SREK1IP1: variants seen among roughly 807,000 people sequenced by gnomAD.
SREK1IP1 encodes the protein SREK1 interacting protein 1.
A neutral mutation model predicts 22.8 loss-of-function variants in SREK1IP1; 12 were observed. The observed-to-expected ratio is 0.53, with a 90% CI of 0.34 to 0.85. SREK1IP1 has a LOEUF of 0.85. Among genes scored for constraint, SREK1IP1 ranks in the 40% least tolerant of loss-of-function variants. The pLI is 0.02. For missense variants in SREK1IP1, 147 were observed against 171.8 expected (o/e 0.86, Z 0.81); for synonymous variants, 53 against 52.7 (o/e 1.01, Z -0.02).
chr5:64,727,553 A>ATATATATATATATATATTTTTTT, intron 4 of SREK1IP1: 1 of 84,714 alleles, frequency 1.2e-5, no homozygotes, highest in African/African-American at 5.5e-5. Flanking sequence ...ATATATATAT[A>ATATATATATATATATATTTTTTT]TTTTTTTTTT....
intron 2 of SREK1IP1, among the ~76,000 whole-genome samples, chr5:64,753,091 G>C (rs1297302645): frequency 6.6e-6 from 1 of 152,130 alleles, no homozygotes; most frequent in Non-Finnish European, 1.5e-5. Context: ...ATAACAATGA[G>C]GAGACTACAT....
At chr5:64,751,604 G>T (rs1742741282) in intron 2 of SREK1IP1, among the ~76,000 whole-genome samples, 2 of 152,204 alleles carry the variant, frequency 1.3e-5, no homozygotes, top group African/African-American at 4.8e-5. Flanking sequence ...ACCATTGTAG[G>T]ACGTTTATAA....
chr5:64,735,165 T>C (rs1326934595), intron 3 of SREK1IP1, among the ~76,000 whole-genome samples: 9 of 151,922 alleles, frequency 5.9e-5, no homozygotes, highest in Non-Finnish European at 1.2e-4. Flanking sequence ...TGACAATGTT[T>C]TTTTTTTAGT....
At chr5:64,729,435 G>C (rs558772374) in intron 3 of SREK1IP1, among the ~76,000 whole-genome samples, 6 of 152,186 alleles carry the variant, frequency 3.9e-5, no homozygotes, top group African/African-American at 1.4e-4. Flanking sequence ...TAGAAGGGGA[G>C]GGGCAACTAT....
intron 4 of SREK1IP1, 124 bp downstream of exon 4, chr5:64,727,983 A>G (rs1742303819): frequency 3.3e-6 from 3 of 906,648 alleles, no homozygotes; most frequent in Middle Eastern, 4.4e-4. Context: ...CTTAAGCTCA[A>G]TGAAAAGCTT....
chr5:64,768,521 G>C lies in SREK1IP1; in HGVS notation c.-4C>G, dbSNP rs1364252334. ...GCTCCTTACCTGGGACTGCCATGAC[G>C]GTGGTAAGAGGGGTAACTCGAGCCT... On this transcript the variant is annotated 5_prime_UTR_variant, in exon 1 of 5. Coordinates refer to ENST00000513458, the MANE Select transcript of SREK1IP1 (RefSeq NM_173829.4). The C allele has an allele frequency of 6.2e-7, 1 of 1,614,150 alleles. No individual in the cohort carries two copies. Among genetic ancestry groups the C allele is most frequent in the Admixed American group, 1.7e-5 (1 of 60,022 alleles).
intron 4 of SREK1IP1, among the ~76,000 whole-genome samples, chr5:64,727,354 TTAA>T (rs1320510020): frequency 7.1e-6 from 1 of 140,700 alleles, no homozygotes; most frequent in Non-Finnish European, 1.5e-5. Flanking sequence ...CAGTTAGTTT[TTAA>T]AAGAGTTAAT....
intron 2 of SREK1IP1, among the ~76,000 whole-genome samples, chr5:64,749,261 T>G (rs1041673212): frequency 6.6e-6 from 1 of 152,018 alleles, no homozygotes; most frequent in Non-Finnish European, 1.5e-5. Context: ...CAGCTACTAA[T>G]TTAACCAGGC....
chr5:64,745,173 G>T (rs909495561), intron 2 of SREK1IP1, among the ~76,000 whole-genome samples: 1 of 152,152 alleles, frequency 6.6e-6, no homozygotes, highest in Admixed American at 6.5e-5. Flanking sequence ...ATTCTTTTGA[G>T]TTGGGTTTTT....
At chr5:64,754,471 T>C in intron 1 of SREK1IP1, 109 bp from the exon 2 acceptor site, 2 of 1,116,084 alleles carry the variant, frequency 1.8e-6, no homozygotes, top group Non-Finnish European at 2.6e-6. Flanking sequence ...GAATTTCTTT[T>C]TTTTTGTTGT....
At chr5:64,751,838 C>T (rs1469612825) in intron 2 of SREK1IP1, among the ~76,000 whole-genome samples, 1 of 152,148 alleles carries the variant, frequency 6.6e-6, no homozygotes, top group Non-Finnish European at 1.5e-5. Context: ...CAAGACTGAA[C>T]ACCAATAAAC....
At chr5:64,743,344 C>T (rs145004584) in intron 2 of SREK1IP1, among the ~76,000 whole-genome samples, 57 of 152,252 alleles carry the variant, frequency 3.7e-4, no homozygotes, top group African/African-American at 1.4e-3. Context: ...ACCATGTAGC[C>T]TAGGTGTGTA....
At chr5:64,746,357 T>C (rs145575509) in intron 2 of SREK1IP1, among the ~76,000 whole-genome samples, 1,961 of 152,228 alleles carry the variant, frequency 0.013, 28 homozygotes, top group Non-Finnish European at 0.02. Context: ...AAGAAAAAAA[T>C]TGATAAAATG....
intron 2 of SREK1IP1, among the ~76,000 whole-genome samples, chr5:64,743,881 C>T (rs1176064300): frequency 6.6e-6 from 1 of 152,046 alleles, no homozygotes; most frequent in East Asian, 1.9e-4. Context: ...AGAGGGCTCC[C>T]CCACTCACAA....
chr5:64,767,289 G>A (rs143105716), intron 1 of SREK1IP1, among the ~76,000 whole-genome samples: 11 of 152,268 alleles, frequency 7.2e-5, no homozygotes, highest in African/African-American at 2.6e-4. Flanking sequence ...TTTGTGCTAA[G>A]GTCTTGTATT....
chr5:64,745,331 C>T (rs1742615333), intron 2 of SREK1IP1, among the ~76,000 whole-genome samples: 1 of 152,200 alleles, frequency 6.6e-6, no homozygotes. Context: ...TGGCTCATGC[C>T]TGTAATACCA....
intron 4 of SREK1IP1, among the ~76,000 whole-genome samples, chr5:64,726,482 A>T (rs1177764712): frequency 6.6e-6 from 1 of 151,418 alleles, no homozygotes; most frequent in Non-Finnish European, 1.5e-5. Flanking sequence ...AGGCTGAGGC[A>T]GGAGAATGGA....
At chr5:64,737,640 A>G (rs1184958443) in intron 3 of SREK1IP1, among the ~76,000 whole-genome samples, 1 of 151,784 alleles carries the variant, frequency 6.6e-6, no homozygotes, top group African/African-American at 2.4e-5. Context: ...CAAAGAAACT[A>G]AGAGCTTTTT....
Position 64,741,178 on chromosome 5 carries a change from G to A in SREK1IP1, c.84C>T (p.Cys28=), listed in dbSNP as rs1304056644. ...CGYPGHLTFE[C]RNFLRVDPKR... ...TAGGGTCTACTCGGAGAAAATTGCG[G>A]CATTCAAAAGTCAGGTGACCAGCTA... The change falls in exon 3 of 5, where the codon TGC becomes TGT. Residue 28 remains cysteine, a synonymous_variant. Transcript: ENST00000513458. 3.7e-6 allele frequency: 6 copies of A among 1,610,528 alleles called. No homozygotes were observed. In the African/African-American group the frequency reaches 5.4e-5, roughly 14 times the overall value.
Sources: gnomAD v4.1 joint callset for allele counts (sites outside exome capture counted in the v4.1 genomes callset) on GRCh38, gnomAD v4.1.1 for gene constraint, MANE v1.5 for transcripts, NCBI Gene and HGNC (gene_info 2026-07-23, HGNC 2026-07-21) for gene names.